SPAG16: variants seen among roughly 807,000 people sequenced by gnomAD.
SPAG16 encodes the protein sperm-associated antigen 16 protein.
Under a neutral mutation model 80.4 loss-of-function variants are expected in SPAG16, and 86 were observed. The ratio of observed to expected loss-of-function variants is 1.07; its 90% confidence interval spans 0.90 to 1.28. The LOEUF is 1.28. Among genes scored for constraint, SPAG16 ranks in the 50% most tolerant of loss-of-function variants. The pLI is 0.00. For missense variants in SPAG16, 870 were observed against 765.3 expected (o/e 1.14, Z -1.61); for synonymous variants, 294 against 265.9 (o/e 1.11, Z -1.03).
At chr2:214,372,386 C>G (rs922801473) in intron 15 of SPAG16, among the ~76,000 whole-genome samples, 3 of 152,122 alleles carry the variant, frequency 2.0e-5, no homozygotes, top group African/African-American at 7.2e-5. Context: ...CAAATTTAAA[C>G]AAGATCAGAC....
chr2:213,504,212 C>T (rs73083226), intron 10 of SPAG16, among the ~76,000 whole-genome samples: 3,797 of 151,950 alleles, frequency 0.025, 157 homozygotes, highest in African/African-American at 0.086. Context: ...TAAGCAAGAA[C>T]ATAATTAGAT....
intron 13 of SPAG16, among the ~76,000 whole-genome samples, chr2:214,034,597 G>A (rs761786761): frequency 2.8e-4 from 42 of 152,244 alleles, no homozygotes; most frequent in Admixed American, 5.2e-4. Context: ...AGCCAGGCAC[G>A]CTGGCTGCAG....
intron 12 of SPAG16, among the ~76,000 whole-genome samples, chr2:213,961,150 T>C (rs1213161134): frequency 6.6e-6 from 1 of 152,202 alleles, no homozygotes; most frequent in African/African-American, 2.4e-5. Context: ...ATTCTTCTAG[T>C]GCGATTACAA....
chr2:213,598,013 C>T (rs1031167707), intron 10 of SPAG16, among the ~76,000 whole-genome samples: 4 of 152,124 alleles, frequency 2.6e-5, no homozygotes, highest in African/African-American at 9.7e-5. Flanking sequence ...TTTGAGGTTT[C>T]ATCTACATAA....
intron 10 of SPAG16, among the ~76,000 whole-genome samples, chr2:213,584,824 G>A (rs1463018150): frequency 6.6e-6 from 1 of 151,968 alleles, no homozygotes; most frequent in Non-Finnish European, 1.5e-5. Context: ...TAATAGTAGT[G>A]AGTCCAACTA....
chr2:214,301,803 CTCT>C (rs1255454168), intron 15 of SPAG16, among the ~76,000 whole-genome samples: 6 of 150,022 alleles, frequency 4.0e-5, no homozygotes, highest in Non-Finnish European at 7.4e-5. Flanking sequence ...TCATTATTAT[CTCT>C]TCTTCTGCTA....
At chr2:213,521,458 T>G (rs1243285105) in intron 10 of SPAG16, among the ~76,000 whole-genome samples, 1 of 152,224 alleles carries the variant, frequency 6.6e-6, no homozygotes, top group Non-Finnish European at 1.5e-5. Context: ...TTCCAGGATG[T>G]TAGAGCCTAT....
intron 10 of SPAG16, among the ~76,000 whole-genome samples, chr2:213,627,014 A>C (rs1055386299): frequency 9.2e-5 from 14 of 152,170 alleles, no homozygotes; most frequent in African/African-American, 3.1e-4. Context: ...TGATCTCTGT[A>C]TTCCAACTCC....
At chr2:213,622,527 A>C (rs2061825618) in intron 10 of SPAG16, among the ~76,000 whole-genome samples, 1 of 152,212 alleles carries the variant, frequency 6.6e-6, no homozygotes, top group African/African-American at 2.4e-5. Flanking sequence ...CTTCCTTGAC[A>C]ATACTCATTG....
chr2:213,862,628 G>T lies in SPAG16; in HGVS notation c.1214G>T (p.Ser405Ile). ...CTTTCAGACTGCTGCTTCCATCCCA[G>T]GTCAGTGCACAGGACCCCTAGAAAT... ...DWLSDCCFHP[S>I]GDKLATSSGD... Residue 405 changes from serine (S) to isoleucine (I), a missense_variant and splice_region_variant, in exon 11 of 16, where the codon AGT becomes ATT. Coordinates refer to ENST00000331683, the MANE Select transcript of SPAG16 (RefSeq NM_024532.5). 1 of 1,613,944 alleles carries T rather than the reference G, an allele frequency of 6.2e-7. No homozygotes were observed. The highest frequency in any genetic ancestry group is 8.5e-7 in the Non-Finnish European group (1 of 1,179,952).
chr2:213,492,346 T>A (rs113957813), intron 10 of SPAG16, among the ~76,000 whole-genome samples: 2 of 152,024 alleles, frequency 1.3e-5, no homozygotes, highest in East Asian at 1.9e-4. Flanking sequence ...TAGGTCAGAT[T>A]GAGACCATCC....
intron 10 of SPAG16, among the ~76,000 whole-genome samples, chr2:213,768,413 G>A (rs568069269): frequency 6.6e-6 from 1 of 152,262 alleles, no homozygotes; most frequent in Admixed American, 6.5e-5. Context: ...TACTCTGAAA[G>A]CTCTGTTGTG....
At chr2:213,442,623 A>G (rs2071040567) in intron 9 of SPAG16, among the ~76,000 whole-genome samples, 1 of 152,246 alleles carries the variant, frequency 6.6e-6, no homozygotes, top group African/African-American at 2.4e-5. Flanking sequence ...CCACACAAAT[A>G]TAGTCAATTG....
intron 7 of SPAG16, among the ~76,000 whole-genome samples, chr2:213,354,600 C>A (rs747928034): frequency 6.6e-6 from 1 of 152,204 alleles, no homozygotes; most frequent in South Asian, 2.1e-4. Context: ...GAGATGGTAT[C>A]TCATTGTGGT....
chr2:214,382,653 T>G (rs1336641751), intron 15 of SPAG16, among the ~76,000 whole-genome samples: 2 of 152,334 alleles, frequency 1.3e-5, no homozygotes, highest in African/African-American at 4.8e-5. Flanking sequence ...GTATATGACA[T>G]TAGTCTATGC....
chr2:213,312,184 A>C (rs1293155867), intron 4 of SPAG16, among the ~76,000 whole-genome samples: 1 of 151,668 alleles, frequency 6.6e-6, no homozygotes, highest in African/African-American at 2.4e-5. Flanking sequence ...GCCAATTCTA[A>C]AATATTTATT....
At chr2:214,084,354 T>C (rs555522742) in intron 13 of SPAG16, among the ~76,000 whole-genome samples, 16 of 152,276 alleles carry the variant, frequency 1.1e-4, no homozygotes, top group South Asian at 8.3e-4. Flanking sequence ...CTCTTTGAAA[T>C]GACTTTTTTG....
chr2:213,354,333 G>A (rs1450040503), intron 7 of SPAG16, among the ~76,000 whole-genome samples: 2 of 152,182 alleles, frequency 1.3e-5, no homozygotes, highest in African/African-American at 4.8e-5. Context: ...TGTGAACGGT[G>A]CCGCAATAAA....
At chr2:213,790,885 T>A (rs2070656981) in intron 10 of SPAG16, among the ~76,000 whole-genome samples, 1 of 152,120 alleles carries the variant, frequency 6.6e-6, no homozygotes, top group Non-Finnish European at 1.5e-5. Context: ...CTGACCTTTG[T>A]TGTCTCACTT....
Sources: gnomAD v4.1 joint callset for allele counts (sites outside exome capture counted in the v4.1 genomes callset) on GRCh38, gnomAD v4.1.1 for gene constraint, MANE v1.5 for transcripts, NCBI Gene and HGNC (gene_info 2026-07-23, HGNC 2026-07-21) for gene names.